Variants in NRG4 observed in about 807,000 individuals in gnomAD.
NRG4 encodes the protein pro-neuregulin-4, membrane-bound isoform.
In NRG4, 10 loss-of-function variants were observed where a neutral mutation model predicts 15.0. The observed-to-expected ratio is 0.67, with a 90% CI of 0.41 to 1.13. The LOEUF is 1.13. NRG4 is among the 50% of genes most tolerant of loss of function. The pLI, the probability that NRG4 is intolerant of heterozygous loss-of-function variation, is 0.00. For synonymous variants in NRG4, 41 were observed against 50.1 expected, an observed-to-expected ratio of 0.82 and a Z score of 0.77; for missense variants, 139 against 140.2, an observed-to-expected ratio of 0.99 and a Z score of 0.04.
chr15:75,962,483 C>T (rs2032573367), intron 3 of NRG4, among the ~76,000 whole-genome samples: 1 of 152,158 alleles, frequency 6.6e-6, no homozygotes, highest in Non-Finnish European at 1.5e-5. Context: ...CAATGATCTA[C>T]ACATCTAATC....
At chr15:76,003,475 T>G (rs2034486853) in intron 3 of NRG4, among the ~76,000 whole-genome samples, 1 of 152,032 alleles carries the variant, frequency 6.6e-6, no homozygotes, top group African/African-American at 2.4e-5. Context: ...ACATACCTAT[T>G]GTGAGAGTTC....
chr15:76,050,509 C>A (rs1203221054), intron 4 of NRG4, among the ~76,000 whole-genome samples: 2 of 137,482 alleles, frequency 1.5e-5, no homozygotes, highest in Non-Finnish European at 3.1e-5. Flanking sequence ...TGGCTCACTG[C>A]AACCTCCGCC....
intron 5 of NRG4, among the ~76,000 whole-genome samples, chr15:75,952,200 A>G (rs566462900): frequency 1.3e-5 from 2 of 152,270 alleles, no homozygotes; most frequent in Admixed American, 1.3e-4. Flanking sequence ...TTCATTCCCA[A>G]AAAGAAAGCC....
intron 2 of NRG4, chr15:76,053,434 T>C (rs1460872427): frequency 6.6e-6 from 1 of 151,078 alleles, no homozygotes; most frequent in Non-Finnish European, 1.5e-5. Flanking sequence ...TAAATTAGTA[T>C]ATATAAAGCA....
intron 3 of NRG4, among the ~76,000 whole-genome samples, chr15:75,995,018 G>T (rs1301173689): frequency 6.6e-6 from 1 of 151,950 alleles, no homozygotes; most frequent in East Asian, 1.9e-4. Context: ...GGAAGACTCT[G>T]TCTCTACAAT....
chr15:76,050,794 G>A (rs2035988042), intron 4 of NRG4, among the ~76,000 whole-genome samples: 1 of 146,168 alleles, frequency 6.8e-6, no homozygotes, highest in Non-Finnish European at 1.5e-5. Context: ...CCAGACTCCT[G>A]TTCTCCAAAA....
At chr15:75,995,963 T>C (rs1028016340) in intron 3 of NRG4, among the ~76,000 whole-genome samples, 5 of 152,218 alleles carry the variant, frequency 3.3e-5, no homozygotes, top group African/African-American at 1.2e-4. Context: ...ATCAGACTAA[T>C]TACAGGTAGA....
chr15:75,943,424 G>T lies in NRG4; in HGVS notation c.*214C>A. 3.7e-6 allele frequency: 2 copies of T among 538,138 alleles called. No individual in the cohort carries two copies. The highest frequency in any genetic ancestry group is 6.5e-6 in the Non-Finnish European group (2 of 306,112). 33.3% of individuals were successfully genotyped at this position (538,138 alleles called of 1,614,324 possible). ...ACCAATGTGACTTCGAATTATACTG[G>T]TATCACCCCCTACTTAGCAGTTGCC... On this transcript the variant is annotated 3_prime_UTR_variant, in exon 6 of 6. Coordinates refer to ENST00000394907, the MANE Select transcript of NRG4 (RefSeq NM_138573.4).
intron 5 of NRG4, among the ~76,000 whole-genome samples, chr15:75,944,115 T>C (rs955121059): frequency 6.6e-6 from 1 of 152,162 alleles, no homozygotes; most frequent in Admixed American, 6.5e-5. Flanking sequence ...ATTGGGACTA[T>C]TTAGAGACAA....
At chr15:76,057,923 T>G (rs1158526349) in intron 1 of NRG4, among the ~76,000 whole-genome samples, 2 of 151,842 alleles carry the variant, frequency 1.3e-5, no homozygotes, top group Non-Finnish European at 2.9e-5. Flanking sequence ...GAACCCGAAT[T>G]CAAAAAAATT....
chr15:75,940,732 C>A (rs2648438), downstream of NRG4: 149,360 of 152,160 alleles, frequency 0.98, 73,360 homozygotes, highest in East Asian at 1. Flanking sequence ...AAGGCTATTC[C>A]AAGGATAGTT....
chr15:76,024,662 G>C (rs80022590), intron 5 of NRG4, among the ~76,000 whole-genome samples: 1 of 152,308 alleles, frequency 6.6e-6, no homozygotes, highest in Admixed American at 6.5e-5. Flanking sequence ...CTGACTCACT[G>C]TGCATACTCG....
chr15:75,975,104 AT>A (rs2033304267), intron 3 of NRG4, among the ~76,000 whole-genome samples: 1 of 152,170 alleles, frequency 6.6e-6, no homozygotes, highest in South Asian at 2.1e-4. Context: ...CCATTATGTA[AT>A]ACCCTTCTTT....
intron 3 of NRG4, among the ~76,000 whole-genome samples, chr15:75,991,116 A>G (rs2033999472): frequency 6.6e-6 from 1 of 152,168 alleles, no homozygotes; most frequent in African/African-American, 2.4e-5. Flanking sequence ...TCATGGTAAG[A>G]GAACGTACTC....
chr15:76,051,941 A>C (rs2036031180), intron 4 of NRG4: 1 of 150,852 alleles, frequency 6.6e-6, no homozygotes, highest in Non-Finnish European at 1.5e-5. Flanking sequence ...AAAATTACGG[A>C]ATTTTCCATA....
chr15:75,952,029 T>C (rs1361123197), intron 5 of NRG4, among the ~76,000 whole-genome samples: 1 of 152,158 alleles, frequency 6.6e-6, no homozygotes, highest in Non-Finnish European at 1.5e-5. Context: ...GCCTGGAAAA[T>C]CTCTATTTTG....
chr15:75,996,390 G>C (rs959548715), intron 3 of NRG4, among the ~76,000 whole-genome samples: 2 of 152,152 alleles, frequency 1.3e-5, no homozygotes, highest in African/African-American at 4.8e-5. Context: ...TCATTGAGTA[G>C]TATGAATCTT....
At chr15:75,995,390 C>T (rs760495423) in intron 3 of NRG4, among the ~76,000 whole-genome samples, 1 of 151,868 alleles carries the variant, frequency 6.6e-6, no homozygotes, top group Non-Finnish European at 1.5e-5. Context: ...AGGGGAAGAC[C>T]ACAGACTCTT....
chr15:76,007,019 G>T (rs1222382875), intron 3 of NRG4, among the ~76,000 whole-genome samples: 1 of 152,040 alleles, frequency 6.6e-6, no homozygotes, highest in Non-Finnish European at 1.5e-5. Context: ...AACACCTATA[G>T]GTTACAGAAG....
Sources: gnomAD v4.1 joint callset for allele counts (sites outside exome capture counted in the v4.1 genomes callset) on GRCh38, gnomAD v4.1.1 for gene constraint, MANE v1.5 for transcripts, NCBI Gene and HGNC (gene_info 2026-07-23, HGNC 2026-07-21) for gene names.